ROBO2: variants seen among roughly 807,000 people sequenced by gnomAD.
ROBO2 encodes the protein roundabout homolog 2.
Under a neutral mutation model 160.8 loss-of-function variants are expected in ROBO2, and 53 were observed. That is an observed-to-expected ratio of 0.33 (90% CI 0.26 to 0.41). ROBO2 has a LOEUF of 0.41. Ranked by LOEUF, ROBO2 falls within the 10% of genes least tolerant of loss-of-function variation. The probability of loss-of-function intolerance (pLI) is 1.00; values close to 1 mark genes in which losing one functional copy is unlikely to be tolerated. For synonymous variants in ROBO2, 664 were observed against 611.7 expected (o/e 1.09, Z -1.26); for missense variants, 1,577 against 1,722.4 (o/e 0.92, Z 1.49).
At chr3:76,369,033 A>G (rs1005733632) in intron 2 of ROBO2, among the ~76,000 whole-genome samples, 3 of 151,962 alleles carry the variant, frequency 2.0e-5, no homozygotes, top group African/African-American at 7.2e-5. Context: ...CTTTTATTAC[A>G]TATTTTTTTT....
At chr3:76,431,772 T>C (rs1214157845) in intron 2 of ROBO2, among the ~76,000 whole-genome samples, 1 of 151,944 alleles carries the variant, frequency 6.6e-6, no homozygotes, top group African/African-American at 2.4e-5. Flanking sequence ...ATAAAAGAAG[T>C]TTTATTTGTT....
chr3:76,546,412 G>A (rs1209535217), intron 2 of ROBO2, among the ~76,000 whole-genome samples: 2 of 151,812 alleles, frequency 1.3e-5, no homozygotes, highest in African/African-American at 2.4e-5. Flanking sequence ...CTTAGAACCT[G>A]TGTATATATT....
At chr3:76,880,756 C>T (rs908226602) in intron 2 of ROBO2, among the ~76,000 whole-genome samples, 5 of 151,986 alleles carry the variant, frequency 3.3e-5, no homozygotes, top group African/African-American at 4.8e-5. Context: ...TTCTTGATAA[C>T]GCTAGATGAA....
At chr3:76,155,112 A>G (rs905114862) in intron 2 of ROBO2, among the ~76,000 whole-genome samples, 4 of 152,210 alleles carry the variant, frequency 2.6e-5, no homozygotes, top group African/African-American at 9.6e-5. Flanking sequence ...GTCCCTTTGT[A>G]AAAAGATCAC....
At chr3:76,523,864 A>G (rs890157329) in intron 2 of ROBO2, among the ~76,000 whole-genome samples, 5 of 152,216 alleles carry the variant, frequency 3.3e-5, no homozygotes, top group African/African-American at 9.6e-5. Context: ...AATATGGGAA[A>G]GATGAGGCAA....
chr3:76,265,156 G>C (rs539923607), intron 2 of ROBO2, among the ~76,000 whole-genome samples: 3 of 152,046 alleles, frequency 2.0e-5, no homozygotes, highest in Admixed American at 2.0e-4. Flanking sequence ...TGAGTCCCTG[G>C]GTCCTTTTTC....
chr3:76,434,752 C>A, intron 2 of ROBO2: 10 of 1,162,246 alleles, frequency 8.6e-6, no homozygotes, highest in Non-Finnish European at 1.2e-5. Context: ...TCAGATGAGT[C>A]CGCTTCCTGC....
At chr3:76,500,658 A>AC (rs2080409885) in intron 2 of ROBO2, among the ~76,000 whole-genome samples, 1 of 152,174 alleles carries the variant, frequency 6.6e-6, no homozygotes, top group African/African-American at 2.4e-5. Context: ...TGACAGAGTG[A>AC]CAGCTCTGGA....
chr3:76,760,364 A>T (rs1391015653), intron 2 of ROBO2, among the ~76,000 whole-genome samples: 1 of 151,730 alleles, frequency 6.6e-6, no homozygotes, highest in Non-Finnish European at 1.5e-5. Context: ...TGATTTTTTT[A>T]ATGGGCACAC....
chr3:77,187,717 G>A (rs1035360165), intron 2 of ROBO2, among the ~76,000 whole-genome samples: 21 of 151,756 alleles, frequency 1.4e-4, no homozygotes, highest in African/African-American at 4.8e-4. Flanking sequence ...TGTAGAAAAA[G>A]CAGCTCTGTA....
At chr3:76,046,141 T>C (rs2067439025) in intron 2 of ROBO2, among the ~76,000 whole-genome samples, 1 of 151,946 alleles carries the variant, frequency 6.6e-6, no homozygotes, top group Non-Finnish European at 1.5e-5. Flanking sequence ...TTGTTGACTT[T>C]TGGAGTGTAA....
chr3:76,111,823 TC>T (rs2070245419), intron 2 of ROBO2, among the ~76,000 whole-genome samples: 1 of 152,050 alleles, frequency 6.6e-6, no homozygotes, highest in African/African-American at 2.4e-5. Context: ...TCTTTCTCTC[TC>T]CCTGTCTCTC....
chr3:76,833,653 T>C (rs2067276359), intron 2 of ROBO2, among the ~76,000 whole-genome samples: 1 of 152,184 alleles, frequency 6.6e-6, no homozygotes, highest in Non-Finnish European at 1.5e-5. Context: ...TGTGCCTAAA[T>C]ACTGTGTCTC....
At chr3:76,469,890 T>C (rs1359193153) in intron 2 of ROBO2, among the ~76,000 whole-genome samples, 1 of 152,138 alleles carries the variant, frequency 6.6e-6, no homozygotes, top group Non-Finnish European at 1.5e-5. Flanking sequence ...TTTCTTCTTT[T>C]TGCTTACCTT....
intron 2 of ROBO2, among the ~76,000 whole-genome samples, chr3:76,199,244 C>T (rs1415370842): frequency 1.3e-5 from 2 of 152,074 alleles, no homozygotes; most frequent in African/African-American, 2.4e-5. Context: ...GAGAGAAAGC[C>T]ACCTTGGCTG....
intron 21 of ROBO2, among the ~76,000 whole-genome samples, chr3:77,611,277 G>A (rs1426002966): frequency 1.1e-4 from 16 of 144,288 alleles, no homozygotes; most frequent in African/African-American, 3.3e-4. Flanking sequence ...CAGCCTGGGC[G>A]ACAGAGCGAG....
chr3:75,959,852 C>A (rs1298830511), intron 2 of ROBO2, among the ~76,000 whole-genome samples: 2 of 151,518 alleles, frequency 1.3e-5, no homozygotes, highest in East Asian at 3.9e-4. Context: ...ATTATTATTA[C>A]CTACTAATAT....
chr3:76,575,044 A>T (rs1433695893), intron 2 of ROBO2, among the ~76,000 whole-genome samples: 3 of 152,160 alleles, frequency 2.0e-5, no homozygotes, highest in Non-Finnish European at 4.4e-5. Flanking sequence ...AAACAGAAAA[A>T]TGTTTGTTTT....
exon 26 of ROBO2, chr3:77,648,831 T>C (rs1403222456): frequency 1.3e-5 from 2 of 152,158 alleles, no homozygotes; most frequent in Admixed American, 6.5e-5. Flanking sequence ...AGAAATTCAC[T>C]GAGCTCACTC....
Sources: allele counts gnomAD v4.1 joint callset (sites outside exome capture counted in the v4.1 genomes callset), GRCh38; gene constraint gnomAD v4.1.1; transcripts MANE v1.5; gene names NCBI Gene and HGNC (gene_info 2026-07-23, HGNC 2026-07-21).